The following ITFG1 variants were observed in gnomAD, a reference collection of about 807,000 sequenced individuals.
ITFG1 encodes integrin alpha FG-GAP repeat containing 1.
ITFG1 carries 34 observed loss-of-function variants against 81.8 expected under a neutral mutation model. That is an observed-to-expected ratio of 0.42 (90% confidence interval 0.32 to 0.55). The LOEUF (loss-of-function observed/expected upper bound fraction) is 0.55. ITFG1 is among the 20% of genes least tolerant of loss of function. The probability of loss-of-function intolerance (pLI) is 0.17; values close to 1 mark genes in which losing one functional copy is unlikely to be tolerated. For synonymous variants in ITFG1, 285 were observed against 270.6 expected (o/e 1.05, Z -0.52); for missense variants, 672 against 755.4 (o/e 0.89, Z 1.29).
intron 14 of ITFG1, among the ~76,000 whole-genome samples, chr16:47,166,633 T>A (rs1052908303): frequency 2.6e-5 from 4 of 152,060 alleles, no homozygotes; most frequent in African/African-American, 9.7e-5. Context: ...ATTATTTTTC[T>A]AAAGTGGTAT....
At chr16:47,409,406 T>A (rs13335620) in intron 6 of ITFG1, among the ~76,000 whole-genome samples, 164 of 11,624 alleles carry the variant, frequency 0.014, 1 homozygote, top group East Asian at 0.096. Flanking sequence ...ATATATATAT[T>A]TTTTTTTTTT....
At chr16:47,215,004 C>T (rs1323851626) in intron 14 of ITFG1, among the ~76,000 whole-genome samples, 1 of 151,570 alleles carries the variant, frequency 6.6e-6, no homozygotes, top group Non-Finnish European at 1.5e-5. Context: ...AATACTTTAC[C>T]ATCTGGGATG....
chr16:47,274,760 G>A (rs1023720036), intron 10 of ITFG1, among the ~76,000 whole-genome samples: 2 of 152,016 alleles, frequency 1.3e-5, no homozygotes, highest in African/African-American at 2.4e-5. Context: ...AGCTTGTTAC[G>A]TCTGCTAACA....
intron 12 of ITFG1, among the ~76,000 whole-genome samples, chr16:47,254,319 C>T (rs998760097): frequency 1.3e-5 from 2 of 152,018 alleles, no homozygotes; most frequent in African/African-American, 4.8e-5. Context: ...TCTAAATGAT[C>T]AATATAAAAA....
chr16:47,243,829 G>A (rs1965965528), intron 12 of ITFG1, among the ~76,000 whole-genome samples: 3 of 152,160 alleles, frequency 2.0e-5, no homozygotes, highest in Admixed American at 2.0e-4. Context: ...TTAGGAATTC[G>A]AGACCAGCCT....
intron 10 of ITFG1, among the ~76,000 whole-genome samples, chr16:47,298,205 G>T (rs2151558254): frequency 6.6e-6 from 1 of 152,128 alleles, no homozygotes; most frequent in African/African-American, 2.4e-5. Context: ...TGGTACACTT[G>T]TCATTCATAT....
rs548470732 is a variant in ITFG1 at position 47,371,165 on chromosome 16, G to C, written c.720+4711C>G. 1.1e-4 allele frequency among the ~76,000 whole-genome samples: 17 copies of C among 152,224 alleles called. No homozygotes were observed. In the East Asian group the frequency reaches 3.1e-3, roughly 28 times the overall value. ...TGTGTACTAATTTCAATGACTTAAG[G>C]GTAGAAAGTTTAGAAACAGATTTCC... On this transcript the variant is annotated intron_variant, in intron 7 of 17. Transcript: ENST00000320640.
chr16:47,392,369 G>C (rs563910948), intron 6 of ITFG1, among the ~76,000 whole-genome samples: 3 of 151,984 alleles, frequency 2.0e-5, no homozygotes, highest in African/African-American at 7.3e-5. Context: ...GGCCTCAGCC[G>C]TGTAAAGGCT....
intron 14 of ITFG1, among the ~76,000 whole-genome samples, chr16:47,181,756 G>A (rs1200750705): frequency 6.6e-6 from 1 of 152,200 alleles, no homozygotes; most frequent in Non-Finnish European, 1.5e-5. Flanking sequence ...GAAAGGTGGG[G>A]AAAAGATTGA....
chr16:47,223,320 C>A (rs1965716367), intron 13 of ITFG1, among the ~76,000 whole-genome samples: 2 of 152,146 alleles, frequency 1.3e-5, no homozygotes, highest in Admixed American at 6.6e-5. Flanking sequence ...GGGAGTAAAT[C>A]TTCGCAACCT....
chr16:47,273,012 G>A (rs1966359863), intron 10 of ITFG1, among the ~76,000 whole-genome samples: 1 of 150,622 alleles, frequency 6.6e-6, no homozygotes, highest in Admixed American at 6.6e-5. Flanking sequence ...GGTTATTCTA[G>A]GTGGTTAATG....
At position 47,451,415 on chromosome 16, in the gene ITFG1, G is replaced by T; in HGVS notation, c.541C>A (p.Pro181Thr). 1 of 1,577,706 alleles carries T rather than the reference G, an allele frequency of 6.3e-7. No homozygotes were observed. The highest frequency in any genetic ancestry group is 8.7e-7 in the Non-Finnish European group (1 of 1,147,768). ...IFGITNESNQ[P>T]QILLGGNLSW... ...ACTCACCCTCCTAATAGTATCTGTG[G>T]CTGGTTGGATTCATTTGTGATACCA... is the stretch of plus-strand genomic sequence containing the variant. Residue 181 changes from proline (P) to threonine (T), a missense_variant, in exon 5 of 18, where the codon CCA becomes ACA. Around this residue, in one of 3 missense-constraint regions of ITFG1, gnomAD observed 560 missense variants for 625.7 expected, o/e 0.90. Transcript: ENST00000320640.
intron 6 of ITFG1, among the ~76,000 whole-genome samples, chr16:47,379,213 C>A (rs1320510617): frequency 6.6e-6 from 1 of 152,112 alleles, no homozygotes; most frequent in Non-Finnish European, 1.5e-5. Context: ...CCCAGGGGTC[C>A]CCTTGAGGCT....
At chr16:47,311,180 G>A (rs7499413) in intron 10 of ITFG1, 60 bp downstream of exon 10, 54,990 of 1,260,218 alleles carry the variant, frequency 0.044, 1,774 homozygotes, top group African/African-American at 0.16. Flanking sequence ...AAAGTACCAT[G>A]GTTTGCAAAT....
At chr16:47,343,740 C>T (rs539533026) in intron 8 of ITFG1, among the ~76,000 whole-genome samples, 73 of 152,194 alleles carry the variant, frequency 4.8e-4, no homozygotes, top group African/African-American at 1.7e-3. Context: ...GGAACCCTTC[C>T]GCACTGCTGG....
intron 14 of ITFG1, among the ~76,000 whole-genome samples, chr16:47,193,552 G>T (rs1965318681): frequency 6.6e-6 from 1 of 152,068 alleles, no homozygotes; most frequent in African/African-American, 2.4e-5. Flanking sequence ...AAATAAGCTG[G>T]GTGTGTTGGT....
At chr16:47,326,631 G>C (rs562772505) in intron 8 of ITFG1, among the ~76,000 whole-genome samples, 3 of 152,114 alleles carry the variant, frequency 2.0e-5, no homozygotes, top group Admixed American at 6.6e-5. Context: ...CAAAGTCTCA[G>C]GATACAAAAT....
At chr16:47,301,089 AAAAGT>A (rs1460013397) in intron 10 of ITFG1, among the ~76,000 whole-genome samples, 1 of 152,236 alleles carries the variant, frequency 6.6e-6, no homozygotes, top group Admixed American at 6.5e-5. Context: ...GTGCCTTAAT[AAAAGT>A]AAATAACATT....
Position 47,381,955 on chromosome 16 carries a change from G to T in ITFG1, c.656-6015C>A, listed in dbSNP as rs566931319. 2.6e-5 allele frequency among the ~76,000 whole-genome samples: 4 copies of T among 152,266 alleles called. No individual in the cohort carries two copies. In the East Asian group the frequency reaches 7.7e-4, roughly 29 times the overall value. The stretch of plus-strand genomic sequence containing the variant: ...GTAAAAAGGCAAGGGCATACAAACT[G>T]AAAAAGCATCTCAGGATAAGACAGA... On this transcript the variant is annotated intron_variant, in intron 6 of 17. Transcript: ENST00000320640.
Sources: allele counts gnomAD v4.1 joint callset (sites outside exome capture counted in the v4.1 genomes callset), GRCh38; gene constraint gnomAD v4.1.1; regional missense constraint gnomAD v4.1.1; transcripts MANE v1.5; gene names NCBI Gene and HGNC (gene_info 2026-07-23, HGNC 2026-07-21).